The following SLC6A17 variants were observed in gnomAD, a reference collection of about 807,000 sequenced individuals.
SLC6A17 encodes solute carrier family 6 member 17, also known as sodium-dependent neutral amino acid transporter SLC6A17.
SLC6A17 carries 21 observed loss-of-function variants against 64.5 expected under a neutral mutation model. The observed-to-expected ratio is 0.33, with a 90% CI of 0.23 to 0.47. SLC6A17 has a LOEUF of 0.47. SLC6A17 is among the 20% of genes least tolerant of loss of function. The probability of loss-of-function intolerance (pLI) is 1.00; values close to 1 mark genes in which losing one functional copy is unlikely to be tolerated. For missense variants in SLC6A17, 682 were observed against 963.2 expected (o/e 0.71, Z 3.86); for synonymous variants, 372 against 399.5 (o/e 0.93, Z 0.82).
chr1:110,178,311 C>G (rs957115734), intron 6 of SLC6A17, among the ~76,000 whole-genome samples: 2 of 152,152 alleles, frequency 1.3e-5, no homozygotes, highest in African/African-American at 4.8e-5. Context: ...CTGTATGTAA[C>G]TCTAGGAGCA....
rs6685009 is a variant in SLC6A17 at position 110,198,309 on chromosome 1, G to A, written c.2049G>A (p.Glu683=). ...TCATCCTCAGCAAGGTGCCCAGTGA[G>A]GCACCTTCCCCCATGCCCACTCACC... ...TRFILSKVPS[E]APSPMPTHRS... The change falls in exon 12 of 12, where the codon GAG becomes GAA. Residue 683 remains glutamate, a synonymous_variant. Transcript: ENST00000331565. 0.034 allele frequency: 54,215 copies of A among 1,614,016 alleles called. 8,110 individuals are homozygous for A. In the African/African-American group the frequency reaches 0.45, roughly 13 times the overall value.
intron 2 of SLC6A17, among the ~76,000 whole-genome samples, chr1:110,169,344 A>T (rs1321663090): frequency 2.6e-5 from 4 of 152,200 alleles, no homozygotes; most frequent in African/African-American, 9.7e-5. Context: ...GCCCTGTGTG[A>T]TAGGTGTTGG....
At chr1:110,152,261 G>A (rs559606596) in intron 1 of SLC6A17, among the ~76,000 whole-genome samples, 5 of 152,290 alleles carry the variant, frequency 3.3e-5, no homozygotes, top group Admixed American at 6.5e-5. Context: ...CTCCACTGCC[G>A]GATTTTTCTC....
Position 110,191,983 on chromosome 1 carries a change from G to T in SLC6A17, c.876G>T (p.Met292Ile). 1 of 1,613,942 alleles carries T rather than the reference G, an allele frequency of 6.2e-7. No homozygotes were observed. Among genetic ancestry groups the T allele is most frequent in the Non-Finnish European group, 8.5e-7 (1 of 1,179,846 alleles). The change falls in exon 7 of 12, where the codon ATG becomes ATT. Residue 292 changes from methionine (M) to isoleucine (I), a missense_variant. Around this residue, in one of 3 missense-constraint regions of SLC6A17, gnomAD observed 415 missense variants for 603.8 expected, o/e 0.69. Coordinates refer to ENST00000331565, the MANE Select transcript of SLC6A17 (RefSeq NM_001010898.4). Reference protein sequence around the residue: ...LHMFTPKLDKMLDPQVWREAA... With the variant: ...LHMFTPKLDKILDPQVWREAA... Reference sequence around the variant, plus strand: ...GTCTTCTGCCATAGCTGGACAAGATGCTGGACCCCCAGGTGTGGCGGGAGG... The same window carrying T: ...GTCTTCTGCCATAGCTGGACAAGATTCTGGACCCCCAGGTGTGGCGGGAGG...
intron 1 of SLC6A17, among the ~76,000 whole-genome samples, chr1:110,165,560 C>A (rs1656026123): frequency 6.6e-6 from 1 of 152,192 alleles, no homozygotes; most frequent in African/African-American, 2.4e-5. Context: ...CTACGGAGGG[C>A]TAGCCAACCC....
In SLC6A17 at chr1:110,176,751, G is replaced by T. The variant is rs769065356; in HGVS notation, c.864+12G>T. ...TGTTCACTCCCAAGGTAAGGGTTTGGGGCTCCCACATGCCAGGGAACAGCA... is the reference window on the plus strand; with the variant it reads ...TGTTCACTCCCAAGGTAAGGGTTTGTGGCTCCCACATGCCAGGGAACAGCA... On this transcript the variant is annotated intron_variant, in intron 6 of 11. Coordinates refer to ENST00000331565, the MANE Select transcript of SLC6A17 (RefSeq NM_001010898.4). 13 of 1,607,662 alleles carry T rather than the reference G, an allele frequency of 8.1e-6. No homozygotes were observed. In the South Asian group the frequency reaches 1.4e-4, roughly 18 times the overall value.
In SLC6A17 at chr1:110,194,629, G is replaced by T. The variant is rs1381754927; in HGVS notation, c.1350G>T (p.Thr450=). The T allele has an allele frequency of 1.2e-6, 2 of 1,614,162 alleles. No individual in the cohort carries two copies. Among genetic ancestry groups the T allele is most frequent in the East Asian group, 2.2e-5 (1 of 44,872 alleles). The change falls in exon 9 of 12, where the codon ACG becomes ACT. Residue 450 remains threonine, a synonymous_variant. Transcript: ENST00000331565. ...LAFIAFTEAM[T]HFPASPFWSV... is the part of the protein sequence containing the mutation. ...TCATCGCCTTCACTGAGGCCATGAC[G>T]CACTTCCCCGCCTCCCCGTTCTGGT...
chr1:110,194,952 A>T, intron 9 of SLC6A17, 181 bp downstream of exon 9: 1 of 758,550 alleles, frequency 1.3e-6, no homozygotes, highest in African/African-American at 1.7e-5. Flanking sequence ...CAGGAAGAGA[A>T]AGCTACTTGG....
chr1:110,195,033 C>G lies in SLC6A17; in HGVS notation c.1492+262C>G, dbSNP rs760597163. On this transcript the variant is annotated intron_variant, in intron 9 of 11. Transcript: ENST00000331565. ...TTGTTAGTTCACTTGCCCCTCTCCC[C>G]AAGGGCCTGCTGAGTCGTCTTGGGA... 5.7e-6 allele frequency: 3 copies of G among 527,456 alleles called. No individual in the cohort carries two copies. The Admixed American group carries it at 9.5e-5, about 17-fold the overall frequency. 32.7% of individuals were successfully genotyped at this position (527,456 alleles called of 1,614,324 possible).
intron 1 of SLC6A17, among the ~76,000 whole-genome samples, chr1:110,159,508 G>A (rs927502262): frequency 6.6e-6 from 1 of 152,192 alleles, no homozygotes; most frequent in Non-Finnish European, 1.5e-5. Context: ...AGGAAAGTAA[G>A]AAAGGGCTGC....
At chr1:110,160,359 A>T (rs1655874814) in intron 1 of SLC6A17, among the ~76,000 whole-genome samples, 1 of 152,254 alleles carries the variant, frequency 6.6e-6, no homozygotes, top group Admixed American at 6.5e-5. Flanking sequence ...CAACATGGCA[A>T]GCAGGTTGTT....
At chr1:110,184,800 A>T (rs1158438034) in intron 6 of SLC6A17, among the ~76,000 whole-genome samples, 2 of 152,212 alleles carry the variant, frequency 1.3e-5, no homozygotes, top group East Asian at 3.8e-4. Context: ...TGTGTATGTA[A>T]TGTATGTGTG....
At chr1:110,151,263 GC>G (rs1240663482) in intron 1 of SLC6A17, among the ~76,000 whole-genome samples, 1 of 152,166 alleles carries the variant, frequency 6.6e-6, no homozygotes, top group African/African-American at 2.4e-5. Flanking sequence ...GAAACTGCGC[GC>G]CCAGGGCGCA....
At chr1:110,181,193 T>G (rs973148569) in intron 6 of SLC6A17, among the ~76,000 whole-genome samples, 14 of 152,226 alleles carry the variant, frequency 9.2e-5, no homozygotes, top group African/African-American at 3.4e-4. Flanking sequence ...ATCATGTGAT[T>G]TGCTTGATAT....
chr1:110,164,521 T>C (rs1655994921), intron 1 of SLC6A17, among the ~76,000 whole-genome samples: 2 of 152,258 alleles, frequency 1.3e-5, no homozygotes, highest in South Asian at 4.1e-4. Context: ...CAGTCATGAC[T>C]GCAGCCCAGC....
Position 110,190,111 on chromosome 1 carries a change from C to G in SLC6A17, c.865-1861C>G, listed in dbSNP as rs1340393753. 3.9e-5 allele frequency among the ~76,000 whole-genome samples: 6 copies of G among 152,330 alleles called. 1 individual carries two copies. The South Asian group carries it at 1.2e-3, about 32-fold the overall frequency. Reference sequence around the variant, plus strand: ...TCAGAGATTGATGGATGAGTGGCTACATGTCATTGCCACAGGGAGGCCTTG... The same window carrying G: ...TCAGAGATTGATGGATGAGTGGCTAGATGTCATTGCCACAGGGAGGCCTTG... On this transcript the variant is annotated intron_variant, in intron 6 of 11. Coordinates refer to ENST00000331565, the MANE Select transcript of SLC6A17 (RefSeq NM_001010898.4).
chr1:110,168,840 CTGAT>C (rs1050129730), intron 2 of SLC6A17, among the ~76,000 whole-genome samples: 1 of 152,224 alleles, frequency 6.6e-6, no homozygotes, highest in Non-Finnish European at 1.5e-5. Flanking sequence ...TTGCCACAGT[CTGAT>C]TGTTCACAGT....
chr1:110,151,359 C>A (rs1212619875), intron 1 of SLC6A17, among the ~76,000 whole-genome samples: 1 of 152,266 alleles, frequency 6.6e-6, no homozygotes, highest in Non-Finnish European at 1.5e-5. Context: ...GTAACATTGG[C>A]AAGCGAAGCA....
Position 110,176,632 on chromosome 1 carries a change from A to G in SLC6A17, c.757A>G (p.Met253Val). The change falls in exon 6 of 12, where the codon ATG (methionine) becomes GTG (valine). Residue 253 changes from methionine to valine, a missense_variant. Around this residue, in one of 3 missense-constraint regions of SLC6A17, gnomAD observed 415 missense variants for 603.8 expected, o/e 0.69. Transcript: ENST00000331565. ...VKGIQSSGKVMYFSSLFPYVV... is the reference protein window; with the variant it reads ...VKGIQSSGKVVYFSSLFPYVV... ...GGGTTCCCTGTCCTCTCTGCAGGTG[A>G]TGTATTTCAGCTCCCTCTTCCCCTA... The G allele has an allele frequency of 6.2e-7, 1 of 1,613,880 alleles. No individual in the cohort carries two copies. Among genetic ancestry groups the G allele is most frequent in the Non-Finnish European group, 8.5e-7 (1 of 1,179,910 alleles).
Sources: allele counts gnomAD v4.1 joint callset (sites outside exome capture counted in the v4.1 genomes callset), GRCh38; gene constraint gnomAD v4.1.1; regional missense constraint gnomAD v4.1.1; transcripts MANE v1.5; gene names NCBI Gene and HGNC (gene_info 2026-07-23, HGNC 2026-07-21).